Variants in CCDC91 observed in about 807,000 individuals in gnomAD.
The protein encoded by CCDC91 is coiled-coil domain-containing protein 91.
Under a neutral mutation model 63.2 loss-of-function variants are expected in CCDC91, and 48 were observed. The ratio of observed to expected loss-of-function variants is 0.76; its 90% CI spans 0.60 to 0.97. The LOEUF is 0.97. Ranked by LOEUF, CCDC91 falls within the 50% of genes least tolerant of loss-of-function variation. CCDC91 has a pLI of 0.00. For synonymous variants in CCDC91, 167 were observed against 165.8 expected (o/e 1.01, Z -0.06); for missense variants, 500 against 494.6 (o/e 1.01, Z -0.10).
chr12:28,474,177 A>T (rs1460254860), intron 11 of CCDC91, among the ~76,000 whole-genome samples: 2 of 152,144 alleles, frequency 1.3e-5, no homozygotes, highest in African/African-American at 4.8e-5. Context: ...CTAATCCATT[A>T]TCAAAATATC....
At chr12:28,496,251 G>A (rs937748904) in intron 12 of CCDC91, among the ~76,000 whole-genome samples, 15 of 151,556 alleles carry the variant, frequency 9.9e-5, no homozygotes, top group African/African-American at 3.6e-4. Context: ...TTCCCATCAA[G>A]CACTAGGATA....
At chr12:28,303,673 T>A (rs567436807) in intron 3 of CCDC91, among the ~76,000 whole-genome samples, 1 of 152,140 alleles carries the variant, frequency 6.6e-6, no homozygotes, top group East Asian at 1.9e-4. Context: ...TAATAAAATA[T>A]CAACACTTTA....
rs544334310 is a variant in CCDC91, at chr12:28,370,865, C to T, written c.654+8350C>T. Among the ~76,000 whole-genome samples, 14 of 152,186 alleles carry T rather than the reference C, an allele frequency of 9.2e-5. 1 individual carries two copies. The East Asian group carries it at 2.7e-3, about 29-fold the overall frequency. Reference sequence around the variant, plus strand: ...AAGTGGGAAGAGCCACACTTTTAAGCTGTCAGATCTCATGAGAACTCACTC... The same window carrying T: ...AAGTGGGAAGAGCCACACTTTTAAGTTGTCAGATCTCATGAGAACTCACTC... On this transcript the variant is annotated intron_variant, in intron 7 of 12. Coordinates refer to ENST00000536442, the MANE Select transcript of CCDC91 (RefSeq NM_018318.5).
intron 11 of CCDC91, among the ~76,000 whole-genome samples, chr12:28,469,220 G>A (rs1057142586): frequency 2.0e-5 from 3 of 151,850 alleles, no homozygotes; most frequent in African/African-American, 7.3e-5. Context: ...TATTAGAACC[G>A]ATTTCAAAAT....
At chr12:28,487,303 T>A (rs962020827) in intron 12 of CCDC91, among the ~76,000 whole-genome samples, 7 of 151,886 alleles carry the variant, frequency 4.6e-5, no homozygotes, top group African/African-American at 1.4e-4. Context: ...ATAAATGATC[T>A]GAAATGGAAC....
chr12:28,246,475 A>T (rs778143782), intron 1 of CCDC91, among the ~76,000 whole-genome samples: 1 of 152,118 alleles, frequency 6.6e-6, no homozygotes, highest in African/African-American at 2.4e-5. Flanking sequence ...ACTTTTAATC[A>T]TTAGTACCAA....
chr12:28,501,511 A>T (rs1937863970), intron 12 of CCDC91, among the ~76,000 whole-genome samples: 1 of 152,008 alleles, frequency 6.6e-6, no homozygotes, highest in Non-Finnish European at 1.5e-5. Context: ...GATTACATTT[A>T]TTGCTTTGCG....
chr12:28,416,317 G>A (rs893332999), intron 8 of CCDC91, among the ~76,000 whole-genome samples: 4 of 152,150 alleles, frequency 2.6e-5, no homozygotes, highest in African/African-American at 7.2e-5. Flanking sequence ...AACCAATTCT[G>A]TCTTACCCAA....
chr12:28,307,074 G>T (rs1938820424), intron 5 of CCDC91, 129 bp downstream of exon 5: 1 of 621,158 alleles, frequency 1.6e-6, no homozygotes, highest in African/African-American at 1.8e-5. Context: ...GTTTAAAGCA[G>T]TCATGAGCTT....
At chr12:28,264,871 A>C (rs1249897249) in intron 3 of CCDC91, among the ~76,000 whole-genome samples, 1 of 151,738 alleles carries the variant, frequency 6.6e-6, no homozygotes, top group Non-Finnish European at 1.5e-5. Context: ...ATATTTGAAA[A>C]TTTACTGTGT....
rs568271460 is a variant in CCDC91 at position 28,278,422 on chromosome 12, T to C, written c.109+18980T>C. The stretch of plus-strand genomic sequence containing the variant: ...TATGCCATCATTCTTGACCCTTCTT[T>C]GGAGCCTTCCTGCCTTGATCAATAT... On this transcript the variant is annotated intron_variant, in intron 3 of 12. Coordinates refer to ENST00000536442, the MANE Select transcript of CCDC91 (RefSeq NM_018318.5). Among the ~76,000 whole-genome samples, 71 of 152,172 alleles carry C rather than the reference T, an allele frequency of 4.7e-4. 1 individual carries two copies. The South Asian group carries it at 0.014, about 30-fold the overall frequency.
chr12:28,263,627 A>G (rs568120856), intron 3 of CCDC91, among the ~76,000 whole-genome samples: 12 of 152,082 alleles, frequency 7.9e-5, no homozygotes, highest in Non-Finnish European at 1.5e-4. Context: ...ACCTTTGACT[A>G]TTGCAAATAA....
At chr12:28,498,355 G>A (rs1952424277) in intron 12 of CCDC91, among the ~76,000 whole-genome samples, 1 of 151,656 alleles carries the variant, frequency 6.6e-6, no homozygotes, top group South Asian at 2.1e-4. Context: ...TGTGAACAAG[G>A]CATGTTCTTC....
chr12:28,261,345 A>T (rs1438404475), intron 3 of CCDC91, among the ~76,000 whole-genome samples: 8 of 152,082 alleles, frequency 5.3e-5, no homozygotes, highest in East Asian at 1.9e-4. Context: ...TGGGAGGAAG[A>T]GTACATAGAT....
chr12:28,368,459 A>G (rs1402062423), intron 7 of CCDC91, among the ~76,000 whole-genome samples: 4 of 152,196 alleles, frequency 2.6e-5, no homozygotes, highest in Non-Finnish European at 1.5e-5. Context: ...CCAGATATCT[A>G]TGGGGTAGAT....
chr12:28,421,642 G>T (rs958198491), intron 8 of CCDC91, among the ~76,000 whole-genome samples: 1 of 151,172 alleles, frequency 6.6e-6, no homozygotes, highest in African/African-American at 2.4e-5. Context: ...AATCCAGTTT[G>T]TCATTGATGG....
Position 28,332,747 on chromosome 12 carries a change from T to C in CCDC91, c.576+24998T>C, listed in dbSNP as rs138169493. Among the ~76,000 whole-genome samples, 815 of 152,304 alleles carry C rather than the reference T, an allele frequency of 5.4e-3. 5 individuals carry two copies. Among genetic ancestry groups the C allele is most frequent in the Middle Eastern group, 0.014 (4 of 294 alleles). On this transcript the variant is annotated intron_variant, in intron 6 of 12. Transcript: ENST00000536442. ...TCAGTATACAACCTTGTTTTATGTG[T>C]GTTTCTGTGGAAATCCCCTTATTAG...
At chr12:28,486,501 A>T (rs551424586) in intron 12 of CCDC91, among the ~76,000 whole-genome samples, 15 of 152,230 alleles carry the variant, frequency 9.9e-5, no homozygotes, top group African/African-American at 3.6e-4. Flanking sequence ...CATTCATAAG[A>T]TTATTTTAGA....
chr12:28,493,257 A>G (rs1565471894), intron 12 of CCDC91, among the ~76,000 whole-genome samples: 2 of 151,702 alleles, frequency 1.3e-5, no homozygotes, highest in Non-Finnish European at 2.9e-5. Flanking sequence ...TTTGACTGCA[A>G]ACTATATGGT....
Sources: gnomAD v4.1 joint callset for allele counts (sites outside exome capture counted in the v4.1 genomes callset) on GRCh38, gnomAD v4.1.1 for gene constraint, MANE v1.5 for transcripts, NCBI Gene and HGNC (gene_info 2026-07-23, HGNC 2026-07-21) for gene names.